Variants in RFTN2 observed in about 807,000 individuals in gnomAD.
RFTN2 encodes the protein raftlin-2.
A neutral mutation model predicts 52.7 loss-of-function variants in RFTN2; 34 were observed. The ratio of observed to expected loss-of-function variants is 0.64; its 90% CI spans 0.49 to 0.86. The LOEUF is 0.86. Ranked by LOEUF, RFTN2 falls within the 40% of genes least tolerant of loss-of-function variation. The pLI is 0.00. For synonymous variants in RFTN2, 203 were observed against 217.7 expected (o/e 0.93, Z 0.59); for missense variants, 536 against 600.1 (o/e 0.89, Z 1.12).
At chr2:197,618,706 G>A (rs1221114943) in intron 5 of RFTN2, among the ~76,000 whole-genome samples, 29 of 136,938 alleles carry the variant, frequency 2.1e-4, no homozygotes, top group Middle Eastern at 4.4e-3. Flanking sequence ...GCCGCCCATC[G>A]TCTGAGATGT....
chr2:197,668,396 C>A (rs2089091837), intron 1 of RFTN2, among the ~76,000 whole-genome samples: 1 of 152,226 alleles, frequency 6.6e-6, no homozygotes, highest in East Asian at 1.9e-4. Flanking sequence ...TGCTGTCCTG[C>A]CACTGGGGAG....
At chr2:197,610,167 C>T (rs2088032344) in intron 7 of RFTN2, among the ~76,000 whole-genome samples, 1 of 152,128 alleles carries the variant, frequency 6.6e-6, no homozygotes, top group African/African-American at 2.4e-5. Context: ...TCATTGATAG[C>T]TTGATGGGGA....
intron 1 of RFTN2, among the ~76,000 whole-genome samples, chr2:197,659,494 A>G (rs1043258080): frequency 1.3e-5 from 2 of 151,436 alleles, no homozygotes; most frequent in East Asian, 1.9e-4. Context: ...AAAAAAAAAA[A>G]AAAAAGAAAT....
At chr2:197,662,080 C>T (rs1342895935) in intron 1 of RFTN2, among the ~76,000 whole-genome samples, 5 of 152,120 alleles carry the variant, frequency 3.3e-5, no homozygotes, top group Non-Finnish European at 7.4e-5. Flanking sequence ...TTCTCTTATT[C>T]TGTAAGTTTT....
At chr2:197,608,647 T>A (rs1159395992) in intron 7 of RFTN2, among the ~76,000 whole-genome samples, 4 of 108,784 alleles carry the variant, frequency 3.7e-5, no homozygotes, top group Admixed American at 2.0e-4. Flanking sequence ...TTTTTTTTTT[T>A]AATACTTTAA....
At chr2:197,635,736 G>C (rs1268069640) in intron 3 of RFTN2, among the ~76,000 whole-genome samples, 380 of 116,560 alleles carry the variant, frequency 3.3e-3, no homozygotes, top group South Asian at 6.0e-3. Flanking sequence ...AAGCTCTTTA[G>C]TTTAATTAGA....
Position 197,633,906 on chromosome 2 carries a change from T to C in RFTN2, c.530A>G (p.Asp177Gly). 6.2e-7 allele frequency: 1 copy of C among 1,613,816 alleles called. No homozygotes were observed. Among genetic ancestry groups the C allele is most frequent in the Non-Finnish European group, 8.5e-7 (1 of 1,179,744 alleles). Residue 177 changes from aspartate (D) to glycine (G), a missense_variant, in exon 4 of 9, where the codon GAT (aspartate) becomes GGT (glycine). By Grantham distance (94) the Asp-to-Gly change is moderately conservative. Transcript: ENST00000295049. The part of the protein sequence containing the change: ...PSKFCNGTNH[D>G]GDIESMLHVR... ...ATGTAGCATCGATTCTATATCTCCA[T>C]CATGGTTGGTTCCATTGCAGAATTT... is the stretch of plus-strand genomic sequence containing the variant.
chr2:197,576,783 G>A (rs1234800161), intron 8 of RFTN2, among the ~76,000 whole-genome samples: 1 of 152,192 alleles, frequency 6.6e-6, no homozygotes, highest in Non-Finnish European at 1.5e-5. Context: ...GCATAGAAAG[G>A]AGTTTATTGG....
At chr2:197,585,668 T>C (rs188101356) in intron 8 of RFTN2, among the ~76,000 whole-genome samples, 145 of 152,318 alleles carry the variant, frequency 9.5e-4, no homozygotes, top group African/African-American at 3.3e-3. Context: ...TTTCCCTTTC[T>C]TCCTGTGCTT....
intron 7 of RFTN2, among the ~76,000 whole-genome samples, chr2:197,606,742 C>G (rs1307894525): frequency 6.6e-6 from 1 of 151,570 alleles, no homozygotes; most frequent in Non-Finnish European, 1.5e-5. Flanking sequence ...CTCATCATCA[C>G]TGGCCATCAG....
At chr2:197,628,772 G>T (rs957760706) in intron 5 of RFTN2, among the ~76,000 whole-genome samples, 1 of 152,128 alleles carries the variant, frequency 6.6e-6, no homozygotes, top group Non-Finnish European at 1.5e-5. Flanking sequence ...AGGCATTCTG[G>T]GAGTCACTTT....
At chr2:197,622,526 G>A (rs751682567) in intron 5 of RFTN2, among the ~76,000 whole-genome samples, 14 of 152,000 alleles carry the variant, frequency 9.2e-5, no homozygotes, top group Non-Finnish European at 1.3e-4. Flanking sequence ...GGCTGATCTC[G>A]AACTCCTGAC....
intron 8 of RFTN2, among the ~76,000 whole-genome samples, chr2:197,583,005 T>C (rs1301134196): frequency 6.6e-6 from 1 of 152,212 alleles, no homozygotes; most frequent in Non-Finnish European, 1.5e-5. Context: ...AAATGGTTCT[T>C]AGACCAAGGA....
At chr2:197,583,076 C>T (rs991011037) in intron 8 of RFTN2, among the ~76,000 whole-genome samples, 3 of 152,168 alleles carry the variant, frequency 2.0e-5, no homozygotes, top group Non-Finnish European at 4.4e-5. Context: ...TAACCTTTTC[C>T]ATGTAGGTTA....
rs569615991 is a variant in RFTN2, at chr2:197,644,000, G to A, written c.438+158C>T. ...ACTGGCTTGTATTTCTGTTTTAAAC[G>A]CTTTACCATTTGGCACAAGTACTTC... On this transcript the variant is annotated intron_variant, in intron 3 of 8. Transcript: ENST00000295049. Among the ~76,000 whole-genome samples, 268 of 152,146 alleles carry A rather than the reference G, an allele frequency of 1.8e-3. 2 individuals carry two copies. Among genetic ancestry groups the A allele is most frequent in the South Asian group, 4.4e-3 (21 of 4,824 alleles).
At chr2:197,667,011 A>T (rs2089071760) in intron 1 of RFTN2, among the ~76,000 whole-genome samples, 1 of 151,970 alleles carries the variant, frequency 6.6e-6, no homozygotes, top group African/African-American at 2.4e-5. Flanking sequence ...ATTTTTTGAG[A>T]CAAGTTCTCA....
intron 1 of RFTN2, among the ~76,000 whole-genome samples, chr2:197,666,337 A>G (rs2089056974): frequency 6.6e-6 from 1 of 152,248 alleles, no homozygotes; most frequent in Admixed American, 6.5e-5. Flanking sequence ...TGGCCTCCCA[A>G]AGTGTTGGGA....
At chr2:197,668,004 G>A (rs1256023707) in intron 1 of RFTN2, among the ~76,000 whole-genome samples, 1 of 152,126 alleles carries the variant, frequency 6.6e-6, no homozygotes, top group Non-Finnish European at 1.5e-5. Context: ...GTGTGGCATG[G>A]GTGATTTCAG....
At chr2:197,662,837 C>T (rs1482656810) in intron 1 of RFTN2, among the ~76,000 whole-genome samples, 1 of 151,948 alleles carries the variant, frequency 6.6e-6, no homozygotes, top group Non-Finnish European at 1.5e-5. Flanking sequence ...CTATGTTGCC[C>T]AGGCTGGTCT....
Sources: gnomAD v4.1 joint callset for allele counts (sites outside exome capture counted in the v4.1 genomes callset) on GRCh38, gnomAD v4.1.1 for gene constraint, MANE v1.5 for transcripts, NCBI Gene and HGNC (gene_info 2026-07-23, HGNC 2026-07-21) for gene names.